RGS7BP: variants seen among roughly 807,000 people sequenced by gnomAD.
RGS7BP encodes the protein regulator of G protein signaling 7 binding protein, also known as regulator of G protein signaling 7-binding protein.
RGS7BP carries 9 observed loss-of-function variants against 31.3 expected under a neutral mutation model. The ratio of observed to expected loss-of-function variants is 0.29; its 90% CI spans 0.17 to 0.50. The LOEUF is 0.50. RGS7BP is among the 20% of genes least tolerant of loss of function. The pLI, the probability that RGS7BP is intolerant of heterozygous loss-of-function variation, is 0.98. For synonymous variants in RGS7BP, 115 were observed against 120.1 expected (o/e 0.96, Z 0.28); for missense variants, 274 against 322.0 (o/e 0.85, Z 1.14).
intron 2 of RGS7BP, among the ~76,000 whole-genome samples, chr5:64,542,679 T>C (rs1741555923): frequency 6.6e-6 from 1 of 152,208 alleles, no homozygotes; most frequent in Admixed American, 6.5e-5. Flanking sequence ...ACCCTTTGTG[T>C]TCCATGTGGA....
In RGS7BP at chr5:64,594,587, A is replaced by G. The variant is rs999592522; in HGVS notation, c.464-123A>G. ...TAATTATTTTATTACTCAGAAAGCTATTAGGGTTAATGGAACATTTGACTC... is the reference window on the plus strand; with the variant it reads ...TAATTATTTTATTACTCAGAAAGCTGTTAGGGTTAATGGAACATTTGACTC... On this transcript the variant is annotated intron_variant, in intron 3 of 5. Transcript: ENST00000334025. The G allele has an allele frequency of 8.5e-6, 7 of 821,452 alleles. No individual in the cohort carries two copies. The African/African-American group carries it at 1.2e-4, about 14-fold the overall frequency. The allele number at this position is 821,452 out of a possible 1,614,324, so 50.9% of individuals were successfully genotyped here.
At position 64,575,909 on chromosome 5, in the gene RGS7BP, C is replaced by A; in HGVS notation, c.463+5C>A. On this transcript the variant is annotated splice_donor_5th_base_variant and intron_variant, in intron 3 of 5. Transcript: ENST00000334025. ...CTCTTCAGTTTCATCGAAAAGGTAT[C>A]TACATTTAATATTGCCGGAAACACT... The A allele has an allele frequency of 6.2e-7, 1 of 1,606,204 alleles. No homozygotes were observed. The highest frequency in any genetic ancestry group is 8.5e-7 in the Non-Finnish European group (1 of 1,176,828).
At chr5:64,564,271 A>G (rs1742120474) in intron 2 of RGS7BP, among the ~76,000 whole-genome samples, 1 of 152,156 alleles carries the variant, frequency 6.6e-6, no homozygotes, top group South Asian at 2.1e-4. Flanking sequence ...CCATTGGGGA[A>G]GTATTTCCAA....
At chr5:64,571,025 C>A (rs1000308674) in intron 2 of RGS7BP, among the ~76,000 whole-genome samples, 1 of 151,974 alleles carries the variant, frequency 6.6e-6, no homozygotes, top group African/African-American at 2.4e-5. Context: ...TGTATACACC[C>A]GTGTAACTAA....
At chr5:64,523,528 A>G (rs1749161108) in intron 2 of RGS7BP, among the ~76,000 whole-genome samples, 1 of 152,228 alleles carries the variant, frequency 6.6e-6, no homozygotes, top group Admixed American at 6.5e-5. Context: ...GGATGTGAAC[A>G]ATTAAAGAAA....
At chr5:64,537,739 T>A (rs1266887296) in intron 2 of RGS7BP, among the ~76,000 whole-genome samples, 1 of 152,220 alleles carries the variant, frequency 6.6e-6, no homozygotes, top group African/African-American at 2.4e-5. Context: ...GATTTTAGTG[T>A]TAGACTCTTG....
chr5:64,530,339 T>C (rs1423667804), intron 2 of RGS7BP, among the ~76,000 whole-genome samples: 2 of 152,230 alleles, frequency 1.3e-5, no homozygotes, highest in Admixed American at 6.5e-5. Context: ...GTAGATTGCA[T>C]ACAAAATGAG....
chr5:64,552,461 C>A (rs1268380145), intron 2 of RGS7BP, among the ~76,000 whole-genome samples: 1 of 152,090 alleles, frequency 6.6e-6, no homozygotes, highest in African/African-American at 2.4e-5. Context: ...AGGGAATACT[C>A]TTTTCTTTTT....
intron 2 of RGS7BP, among the ~76,000 whole-genome samples, chr5:64,553,680 C>T (rs1741851062): frequency 6.6e-6 from 1 of 152,008 alleles, no homozygotes; most frequent in Non-Finnish European, 1.5e-5. Context: ...GTCTCAGTTT[C>T]CTCATCTTTA....
chr5:64,557,407 A>T (rs1312268957), intron 2 of RGS7BP, among the ~76,000 whole-genome samples: 1 of 152,068 alleles, frequency 6.6e-6, no homozygotes, highest in Non-Finnish European at 1.5e-5. Flanking sequence ...CTAATGAACG[A>T]TGTTTTCCAT....
intron 2 of RGS7BP, among the ~76,000 whole-genome samples, chr5:64,559,811 T>A (rs1742009808): frequency 6.6e-6 from 1 of 152,170 alleles, no homozygotes; most frequent in African/African-American, 2.4e-5. Flanking sequence ...TCCATTGACA[T>A]ATATGTGCAT....
intron 3 of RGS7BP, among the ~76,000 whole-genome samples, chr5:64,591,701 T>A (rs1047115235): frequency 2.0e-5 from 3 of 152,192 alleles, no homozygotes; most frequent in African/African-American, 7.2e-5. Flanking sequence ...TTCTTTATTA[T>A]GGAATACTGC....
chr5:64,606,661 G>T (rs1400943553), intron 5 of RGS7BP, among the ~76,000 whole-genome samples: 1 of 152,000 alleles, frequency 6.6e-6, no homozygotes, highest in Non-Finnish European at 1.5e-5. Flanking sequence ...TCAATTCATG[G>T]TTAAAGAAGT....
At chr5:64,543,594 C>T (rs1003497248) in intron 2 of RGS7BP, among the ~76,000 whole-genome samples, 51 of 152,290 alleles carry the variant, frequency 3.3e-4, no homozygotes, top group African/African-American at 1.2e-3. Context: ...TGGACTAATC[C>T]GTTAGGGGCA....
At chr5:64,593,437 T>C (rs898624480) in intron 3 of RGS7BP, among the ~76,000 whole-genome samples, 2 of 152,146 alleles carry the variant, frequency 1.3e-5, no homozygotes, top group African/African-American at 4.8e-5. Context: ...CACAGCAGGA[T>C]TAGGGAAACT....
intron 5 of RGS7BP, among the ~76,000 whole-genome samples, chr5:64,605,458 C>A (rs1743328104): frequency 1.3e-5 from 2 of 152,000 alleles, no homozygotes; most frequent in Non-Finnish European, 2.9e-5. Context: ...TGGCCCCACC[C>A]CAGAGCTGCT....
intron 2 of RGS7BP, among the ~76,000 whole-genome samples, chr5:64,510,642 A>G (rs1161524074): frequency 6.6e-6 from 1 of 152,248 alleles, no homozygotes; most frequent in Non-Finnish European, 1.5e-5. Flanking sequence ...CTGTATATTT[A>G]CTAAAAGTCA....
chr5:64,562,944 C>T (rs1742088253), intron 2 of RGS7BP, among the ~76,000 whole-genome samples: 1 of 152,020 alleles, frequency 6.6e-6, no homozygotes, highest in Admixed American at 6.6e-5. Context: ...ATATTGTAAC[C>T]TAAGGATCTG....
intron 2 of RGS7BP, among the ~76,000 whole-genome samples, chr5:64,530,138 C>T (rs573635242): frequency 5.9e-5 from 9 of 152,084 alleles, no homozygotes; most frequent in Admixed American, 1.3e-4. Flanking sequence ...GTGAGATAGT[C>T]GGGTCAAATG....
Sources: allele counts gnomAD v4.1 joint callset (sites outside exome capture counted in the v4.1 genomes callset), GRCh38; gene constraint gnomAD v4.1.1; transcripts MANE v1.5; gene names NCBI Gene and HGNC (gene_info 2026-07-23, HGNC 2026-07-21).